AGAP1: variants seen among roughly 807,000 people sequenced by gnomAD.
AGAP1 encodes arf-GAP with GTPase, ANK repeat and PH domain-containing protein 1.
Under a neutral mutation model 105.3 loss-of-function variants are expected in AGAP1, and 29 were observed. The observed-to-expected ratio is 0.28, with a 90% CI of 0.21 to 0.38. The LOEUF (loss-of-function observed/expected upper bound fraction) is 0.38, where lower values mean the gene tolerates loss of function less well. Among genes scored for constraint, AGAP1 ranks in the 10% least tolerant of loss-of-function variants. The pLI is 1.00. For synonymous variants in AGAP1, 509 were observed against 485.9 expected, an observed-to-expected ratio of 1.05 and a Z score of -0.63; for missense variants, 998 against 1,165.1, an observed-to-expected ratio of 0.86 and a Z score of 2.09.
At chr2:235,521,222 G>A (rs948207091) in intron 1 of AGAP1, among the ~76,000 whole-genome samples, 20 of 152,256 alleles carry the variant, frequency 1.3e-4, no homozygotes, top group African/African-American at 4.6e-4. Context: ...TCCAGTTATT[G>A]TGTTTTAAAT....
chr2:235,516,863 C>G (rs1368471261), intron 1 of AGAP1, among the ~76,000 whole-genome samples: 2 of 152,326 alleles, frequency 1.3e-5, no homozygotes, highest in East Asian at 3.9e-4. Context: ...TGGGACTGAA[C>G]TTTCTTCTTT....
intron 16 of AGAP1, among the ~76,000 whole-genome samples, chr2:236,116,367 T>TTTTTTTTTTTTTTTTTAGG (rs1553578895): frequency 6.6e-6 from 1 of 150,422 alleles, no homozygotes; most frequent in Non-Finnish European, 1.5e-5. Flanking sequence ...CTTTTTTTTT[T>TTTTTTTTTTTTTTTTTAGG]GAGAGAGAGT....
At chr2:235,825,315 A>T (rs1959004727) in intron 9 of AGAP1, among the ~76,000 whole-genome samples, 1 of 152,156 alleles carries the variant, frequency 6.6e-6, no homozygotes, top group Non-Finnish European at 1.5e-5. Context: ...AGATCCAACG[A>T]CCCTTTGAAC....
In AGAP1 at chr2:235,611,769, A is replaced by C. The variant is rs1946133711; in HGVS notation, c.164-97410A>C. On this transcript the variant is annotated intron_variant, in intron 1 of 17. Transcript: ENST00000304032. The surrounding 1 kb of genome is among the most constrained non-coding windows in gnomAD (Gnocchi z 5.0). ...TTCATTTCTTTAAAGAGCATTCATC[A>C]ATGATATTAATGATTTTCATTTCCT... Among the ~76,000 whole-genome samples, 1 of 152,242 alleles carries C rather than the reference A, an allele frequency of 6.6e-6. No individual in the cohort carries two copies. The highest frequency in any genetic ancestry group is 1.5e-5 in the Non-Finnish European group (1 of 68,046).
chr2:235,688,951 C>T (rs773190555), intron 1 of AGAP1, among the ~76,000 whole-genome samples: 5 of 152,210 alleles, frequency 3.3e-5, no homozygotes, highest in Admixed American at 6.5e-5. Context: ...ACCCGTGTAA[C>T]GTTCGCCAAG....
At chr2:235,671,046 C>T (rs1336968776) in intron 1 of AGAP1, 3 of 1,285,920 alleles carry the variant, frequency 2.3e-6, no homozygotes, top group African/African-American at 1.5e-5. Context: ...ATCGACGGCT[C>T]CCCGCGCAGA....
chr2:235,995,024 G>C (rs1321212269), intron 13 of AGAP1, among the ~76,000 whole-genome samples: 9 of 127,406 alleles, frequency 7.1e-5, no homozygotes, highest in African/African-American at 2.1e-4. Context: ...CCGAGATCGC[G>C]CCTTGCACTC....
At chr2:235,863,782 C>A (rs563433393) in intron 9 of AGAP1, among the ~76,000 whole-genome samples, 1 of 152,052 alleles carries the variant, frequency 6.6e-6, no homozygotes, top group Non-Finnish European at 1.5e-5. Context: ...CTGTGGGACA[C>A]CAGGTAGTGA....
rs533235188 is a variant in AGAP1, at chr2:236,055,672, G to A, written c.2114+6391G>A. Among the ~76,000 whole-genome samples the A allele has an allele frequency of 2.0e-3, 306 of 152,368 alleles. 1 individual carries two copies. The highest frequency in any genetic ancestry group is 0.014 in the South Asian group (66 of 4,828). On this transcript the variant is annotated intron_variant, in intron 16 of 17. Transcript: ENST00000304032. This position sits in a 1 kb window ranked among gnomAD's most constrained non-coding sequence, Gnocchi z 6.2. ...CAGTGGCAGCCTTCTCCGAGGAGCC[G>A]TGGGTTTGCAGGCACACCGTCTGCT...
At chr2:236,049,422 A>G (rs1333250941) in intron 16 of AGAP1, 141 bp downstream of exon 16, 5 of 737,650 alleles carry the variant, frequency 6.8e-6, no homozygotes, top group South Asian at 1.9e-5. Context: ...CGGCATAGGA[A>G]TGTCTGTGTT....
intron 1 of AGAP1, among the ~76,000 whole-genome samples, chr2:235,536,672 CACA>C (rs1559231779): frequency 1.1e-4 from 15 of 139,678 alleles, no homozygotes; most frequent in African/African-American, 1.3e-4. Context: ...CACACACACA[CACA>C]CACCCCTTGC....
intron 11 of AGAP1, among the ~76,000 whole-genome samples, chr2:235,910,401 T>C (rs533916582): frequency 8.6e-5 from 13 of 151,794 alleles, no homozygotes; most frequent in Non-Finnish European, 1.8e-4. Flanking sequence ...GAGTCTTTAG[T>C]GCCTCCCAAA....
intron 1 of AGAP1, among the ~76,000 whole-genome samples, chr2:235,698,268 C>T (rs1471197066): frequency 7.4e-6 from 1 of 135,326 alleles, no homozygotes; most frequent in East Asian, 1.9e-4. Flanking sequence ...ACAGATGAAG[C>T]TTCGCTTTGC....
At chr2:235,636,587 C>G (rs146500117) in intron 1 of AGAP1, among the ~76,000 whole-genome samples, 298 of 152,276 alleles carry the variant, frequency 2.0e-3, no homozygotes, top group Non-Finnish European at 3.1e-3. Context: ...CTAGGCATCC[C>G]TCACTTCTGG....
chr2:236,054,297 G>A (rs1166764796), intron 16 of AGAP1, among the ~76,000 whole-genome samples: 3 of 152,034 alleles, frequency 2.0e-5, no homozygotes, highest in Non-Finnish European at 2.9e-5. Context: ...TAGTAATCTC[G>A]GGCTCAAATT....
chr2:235,863,568 A>T (rs1406241847), intron 9 of AGAP1, among the ~76,000 whole-genome samples: 1 of 152,054 alleles, frequency 6.6e-6, no homozygotes, highest in Non-Finnish European at 1.5e-5. Context: ...TGAGCTAGGG[A>T]TGATTTCAGC....
intron 1 of AGAP1, among the ~76,000 whole-genome samples, chr2:235,530,983 A>C (rs984472042): frequency 2.6e-5 from 4 of 152,208 alleles, no homozygotes; most frequent in Non-Finnish European, 4.4e-5. Context: ...GTAGGGGGAC[A>C]CTGGCCAACC....
At chr2:235,814,061 T>A (rs778076159) in intron 9 of AGAP1, among the ~76,000 whole-genome samples, 1 of 152,202 alleles carries the variant, frequency 6.6e-6, no homozygotes, top group Admixed American at 6.5e-5. Context: ...CCCAGCCGCC[T>A]GTGTGTGTGC....
rs891914223 is a variant in AGAP1 at position 235,586,391 on chromosome 2, G to A, written c.163+91542G>A. Among the ~76,000 whole-genome samples, 6 of 152,236 alleles carry A rather than the reference G, an allele frequency of 3.9e-5. No individual in the cohort carries two copies. Among genetic ancestry groups the A allele is most frequent in the African/African-American group, 1.2e-4 (5 of 41,470 alleles). On this transcript the variant is annotated intron_variant, in intron 1 of 17. Coordinates refer to ENST00000304032, the MANE Select transcript of AGAP1 (RefSeq NM_001037131.3). The surrounding 1 kb of genome is among the most constrained non-coding windows in gnomAD (Gnocchi z 4.2). ...TGGAGTTGGGAAAGAGACGGATGTTGAGCCTGAAGAGGCTGTGACCTCCCC... is the reference window on the plus strand; with the variant it reads ...TGGAGTTGGGAAAGAGACGGATGTTAAGCCTGAAGAGGCTGTGACCTCCCC...
Sources: allele counts gnomAD v4.1 joint callset (sites outside exome capture counted in the v4.1 genomes callset), GRCh38; gene constraint gnomAD v4.1.1; non-coding constraint Gnocchi (gnomAD v3.1); transcripts MANE v1.5; gene names NCBI Gene and HGNC (gene_info 2026-07-23, HGNC 2026-07-21).